NFATC2: variants seen among roughly 807,000 people sequenced by gnomAD.
The protein encoded by NFATC2 is nuclear factor of activated T cells 2.
In NFATC2, 22 loss-of-function variants were observed where a neutral mutation model predicts 87.3. The observed-to-expected ratio is 0.25, with a 90% CI of 0.18 to 0.36. The LOEUF is 0.36. Ranked by LOEUF, NFATC2 falls within the 10% of genes least tolerant of loss-of-function variation. The pLI, the probability that NFATC2 is intolerant of heterozygous loss-of-function variation, is 1.00. For missense variants in NFATC2, 1,149 were observed against 1,259.1 expected, an observed-to-expected ratio of 0.91 and a Z score of 1.32; for synonymous variants, 565 against 542.2, an observed-to-expected ratio of 1.04 and a Z score of -0.58.
chr20:51,558,369 G>A (rs1408815658), intron 1 of NFATC2, among the ~76,000 whole-genome samples: 1 of 152,002 alleles, frequency 6.6e-6, no homozygotes, highest in Non-Finnish European at 1.5e-5. Context: ...AACTTGACCG[G>A]CTTCTTCCAG....
upstream of NFATC2, among the ~76,000 whole-genome samples, chr20:51,547,691 AC>A (rs1244151643): frequency 1.3e-5 from 2 of 152,128 alleles, no homozygotes; most frequent in Non-Finnish European, 2.9e-5. Context: ...TTCCTGCCTC[AC>A]TGTGCCTCAA....
chr20:51,445,799 A>T (rs550127796), intron 6 of NFATC2, among the ~76,000 whole-genome samples: 1 of 152,282 alleles, frequency 6.6e-6, no homozygotes, highest in East Asian at 1.9e-4. Context: ...GGTGCTCAAT[A>T]AACACCCGGG....
intron 1 of NFATC2, among the ~76,000 whole-genome samples, chr20:51,561,358 AAAAGAAAGAAAGAGAGAGAAAAGAAAG>A: frequency 6.7e-6 from 1 of 148,852 alleles, no homozygotes; most frequent in East Asian, 2.0e-4. Flanking sequence ...AGAGAGAAAG[AAAAGAAAGAAAGAGAGAGAAAAGAAAG>A]AAAGAAAGAG....
chr20:51,490,855 C>A (rs1351990391), intron 3 of NFATC2, among the ~76,000 whole-genome samples: 2 of 152,130 alleles, frequency 1.3e-5, no homozygotes, highest in Non-Finnish European at 1.5e-5. Flanking sequence ...TGCTCCTTTC[C>A]CAGGGAACCA....
At chr20:51,396,704 C>G (rs975202148) in intron 10 of NFATC2, among the ~76,000 whole-genome samples, 1 of 152,230 alleles carries the variant, frequency 6.6e-6, no homozygotes, top group Admixed American at 6.5e-5. Context: ...CACCACCCCC[C>G]AGTCACTACT....
At chr20:51,394,579 C>T (rs1049157828) in intron 10 of NFATC2, among the ~76,000 whole-genome samples, 17 of 150,620 alleles carry the variant, frequency 1.1e-4, no homozygotes, top group Admixed American at 2.6e-4. Context: ...TCCCCTGCTG[C>T]GCTGATGCTC....
At chr20:51,542,286 G>A in intron 1 of NFATC2, 84 bp downstream of exon 1, 2 of 1,485,214 alleles carry the variant, frequency 1.3e-6, no homozygotes, top group Admixed American at 2.5e-5. Flanking sequence ...GGGACGGCTG[G>A]AGCCAAGAGG....
upstream of NFATC2, among the ~76,000 whole-genome samples, chr20:51,544,489 A>C (rs534882510): frequency 1.1e-3 from 175 of 152,278 alleles, no homozygotes; most frequent in Non-Finnish European, 1.8e-3. Context: ...GATTTGTGCC[A>C]AGCCATCCAT....
chr20:51,474,090 G>C lies in NFATC2; in HGVS notation c.1598C>G (p.Thr533Arg). The part of the protein sequence containing the change: ...NADIELRKGE[T>R]DIGRKNTRVR... ...CCGCGTGTTCTTTCTTCCAATGTCC[G>C]TCTCGCCTTTCCGCAGCTCAATGTC... The change falls in exon 5 of 11, where the codon ACG (threonine) becomes AGG (arginine). Residue 533 changes from threonine (T) to arginine (R), a missense_variant. By Grantham distance (71) the Thr-to-Arg change is moderately conservative. Transcript: ENST00000371564. 1 of 1,614,198 alleles carries C rather than the reference G, an allele frequency of 6.2e-7. No individual in the cohort carries two copies. Among genetic ancestry groups the C allele is most frequent in the Non-Finnish European group, 8.5e-7 (1 of 1,180,038 alleles).
intron 9 of NFATC2, among the ~76,000 whole-genome samples, chr20:51,415,082 C>G (rs1276123481): frequency 1.3e-5 from 2 of 151,764 alleles, no homozygotes; most frequent in African/African-American, 4.8e-5. Flanking sequence ...GAGACCCCAT[C>G]TCTACAAAAA....
chr20:51,555,864 A>T (rs771026443), intron 1 of NFATC2, among the ~76,000 whole-genome samples: 1 of 152,238 alleles, frequency 6.6e-6, no homozygotes, highest in Non-Finnish European at 1.5e-5. Context: ...CGAATGAGGA[A>T]TCCTACTCTT....
chr20:51,493,475 C>T (rs1600864713), intron 3 of NFATC2, among the ~76,000 whole-genome samples: 1 of 152,164 alleles, frequency 6.6e-6, no homozygotes, highest in Non-Finnish European at 1.5e-5. Context: ...TTCTAGGCAC[C>T]TCCCATTTAC....
chr20:51,455,484 GT>G (rs1986303757), intron 5 of NFATC2, among the ~76,000 whole-genome samples: 1 of 151,454 alleles, frequency 6.6e-6, no homozygotes, highest in African/African-American at 2.4e-5. Context: ...ACCCAGCCCG[GT>G]CCCTCTCTCT....
intron 8 of NFATC2, among the ~76,000 whole-genome samples, chr20:51,434,233 AGGGCAGTCAAGCTCACCAAGGCAAG>A (rs1983226020): frequency 1.4e-5 from 2 of 148,124 alleles, no homozygotes; most frequent in African/African-American, 5.0e-5. Flanking sequence ...CAAGGCTGCC[AGGGCAGTCAAGCTCACCAAGGCAAG>A]GCTGCCAGGG....
Position 51,516,768 on chromosome 20 carries a change from G to A in NFATC2, c.1332+16C>T. The A allele has an allele frequency of 6.3e-7, 1 of 1,579,800 alleles. No individual in the cohort carries two copies. Among genetic ancestry groups the A allele is most frequent in the African/African-American group, 1.4e-5 (1 of 73,766 alleles). ...ACAAACACCACACACAAAAGGAAGA[G>A]CATTCAAGTCCATACCTGAACCACA... On this transcript the variant is annotated intron_variant, in intron 3 of 10. Transcript: ENST00000371564.
chr20:51,540,857 G>T (rs903893129), intron 1 of NFATC2, among the ~76,000 whole-genome samples: 11 of 151,916 alleles, frequency 7.2e-5, no homozygotes, highest in Non-Finnish European at 1.5e-4. Context: ...AATCTGGGAG[G>T]GGTGTGAGTA....
At chr20:51,497,285 A>G (rs994958491) in intron 3 of NFATC2, among the ~76,000 whole-genome samples, 6 of 152,204 alleles carry the variant, frequency 3.9e-5, no homozygotes, top group African/African-American at 1.2e-4. Flanking sequence ...ACTTGGGCCA[A>G]TCATTCTTCT....
At position 51,524,414 on chromosome 20, in the gene NFATC2, C is replaced by T. The variant is rs904450034; in HGVS notation, c.131-304G>A. Among the ~76,000 whole-genome samples, 1 of 152,072 alleles carries T rather than the reference C, an allele frequency of 6.6e-6. No homozygotes were observed. Among genetic ancestry groups the T allele is most frequent in the South Asian group, 2.1e-4 (1 of 4,818 alleles). On this transcript the variant is annotated intron_variant, in intron 1 of 10. Coordinates refer to ENST00000371564, the MANE Select transcript of NFATC2 (RefSeq NM_012340.5). This position sits in a 1 kb window ranked among gnomAD's most constrained non-coding sequence, Gnocchi z 4.0. ...GCACTTTATCTCACAACCCCATTCA[C>T]GCCACCATATACACCCACAACTGAA...
At chr20:51,434,898 G>A (rs1568973007) in intron 8 of NFATC2, among the ~76,000 whole-genome samples, 1 of 152,162 alleles carries the variant, frequency 6.6e-6, no homozygotes, top group Non-Finnish European at 1.5e-5. Context: ...TGCTGAACAT[G>A]CGTACACACA....
Sources: allele counts gnomAD v4.1 joint callset (sites outside exome capture counted in the v4.1 genomes callset), GRCh38; gene constraint gnomAD v4.1.1; non-coding constraint Gnocchi (gnomAD v3.1); transcripts MANE v1.5; gene names NCBI Gene and HGNC (gene_info 2026-07-23, HGNC 2026-07-21).